Variants in LPCAT2 observed in about 807,000 individuals in gnomAD.
LPCAT2 encodes lysophosphatidylcholine acyltransferase 2, also known as 1-AGP acyltransferase 11.
Under a neutral mutation model 64.7 loss-of-function variants are expected in LPCAT2, and 58 were observed. The ratio of observed to expected loss-of-function variants is 0.90; its 90% CI spans 0.73 to 1.12. The LOEUF is 1.12. LPCAT2 is among the 50% of genes most tolerant of loss of function. The probability of loss-of-function intolerance (pLI) is 0.00; values close to 1 mark genes in which losing one functional copy is unlikely to be tolerated. For missense variants in LPCAT2, 579 were observed against 669.8 expected (o/e 0.86, Z 1.50); for synonymous variants, 252 against 245.3 (o/e 1.03, Z -0.26).
Position 55,531,954 on chromosome 16 carries a change from G to A in LPCAT2, c.683G>A (p.Cys228Tyr). The A allele has an allele frequency of 1.3e-6, 2 of 1,591,388 alleles. No individual in the cohort carries two copies. Among genetic ancestry groups the A allele is most frequent in the Non-Finnish European group, 8.6e-7 (1 of 1,160,352 alleles). ...FPEGTCTNRS[C>Y]LITFKPGAFI... Reference sequence around the variant, plus strand: ...GAAGGTACTTGTACTAATCGTTCCTGTTTGATTACTTTTAAACCAGGTGAG... The same window carrying A: ...GAAGGTACTTGTACTAATCGTTCCTATTTGATTACTTTTAAACCAGGTGAG... Residue 228 changes from cysteine (C) to tyrosine (Y), a missense_variant, in exon 5 of 14, where the codon TGT (cysteine) becomes TAT (tyrosine). By Grantham distance (194) the Cys-to-Tyr change is radical. Transcript: ENST00000262134.
At chr16:55,560,341 AG>A (rs1963621818) in intron 11 of LPCAT2, among the ~76,000 whole-genome samples, 1 of 152,100 alleles carries the variant, frequency 6.6e-6, no homozygotes, top group Non-Finnish European at 1.5e-5. Context: ...CTTGACAGAA[AG>A]GCTTCATCTA....
chr16:55,532,861 C>G lies in LPCAT2; in HGVS notation c.741C>G (p.Leu247=). ...CAGGAGTTCCAGTGCAGCCAGTCCT[C>G]CTCAGATACCCAAACAAGCTGGTAA... ...FIPGVPVQPV[L]LRYPNKLDTV... The change falls in exon 6 of 14, where the codon CTC becomes CTG. Residue 247 remains leucine (L), a synonymous_variant. Transcript: ENST00000262134. 1.2e-6 allele frequency: 2 copies of G among 1,612,104 alleles called. No individual in the cohort carries two copies. The highest frequency in any genetic ancestry group is 1.7e-5 in the Admixed American group (1 of 59,874).
Position 55,528,534 on chromosome 16 carries a change from G to A in LPCAT2, c.469G>A (p.Val157Ile), listed in dbSNP as rs745733776. 1.2e-6 allele frequency: 2 copies of A among 1,613,990 alleles called. No individual in the cohort carries two copies. Among genetic ancestry groups the A allele is most frequent in the Admixed American group, 1.7e-5 (1 of 59,978 alleles). Residue 157 changes from valine (V) to isoleucine (I), a missense_variant, in exon 3 of 14, where the codon GTA (valine) becomes ATA (isoleucine). Physicochemically the swap from Val to Ile is conservative, Grantham distance 29. Coordinates refer to ENST00000262134, the MANE Select transcript of LPCAT2 (RefSeq NM_017839.5). The part of the protein sequence containing the change: ...STFFDGIACV[V>I]AGLPSMVSRN... ...ATTCTTTGATGGAATTGCCTGTGTT[G>A]TAGCTGGGTTACCTTCTATGGTATC... is the stretch of plus-strand genomic sequence containing the variant.
chr16:55,570,470 TA>T (rs1407804034), intron 11 of LPCAT2, among the ~76,000 whole-genome samples: 6 of 152,012 alleles, frequency 3.9e-5, no homozygotes, highest in African/African-American at 1.4e-4. Context: ...CAAAAAAATT[TA>T]AAAAATCCCC....
chr16:55,551,140 C>G (rs759551270), intron 11 of LPCAT2, 38 bp downstream of exon 11: 20 of 1,541,378 alleles, frequency 1.3e-5, no homozygotes, highest in Middle Eastern at 1.8e-4. Context: ...TTTACTCTGT[C>G]AGTCCTACAG....
chr16:55,509,491 G>A, intron 1 of LPCAT2, 139 bp downstream of exon 1: 1 of 946,956 alleles, frequency 1.1e-6, no homozygotes, highest in Non-Finnish European at 1.4e-6. Flanking sequence ...GGTCCGAGGC[G>A]GGCGAGAGTC....
chr16:55,553,657 T>A (rs1372987797), intron 11 of LPCAT2, among the ~76,000 whole-genome samples: 2 of 152,234 alleles, frequency 1.3e-5, no homozygotes, highest in Non-Finnish European at 2.9e-5. Flanking sequence ...TATTGATATT[T>A]TGACCTCCTT....
chr16:55,574,826 T>C, intron 12 of LPCAT2, 97 bp downstream of exon 12: 1 of 868,844 alleles, frequency 1.2e-6, no homozygotes, highest in South Asian at 1.4e-5. Context: ...ATTATGTGAT[T>C]TTATAGATCT....
intron 1 of LPCAT2, among the ~76,000 whole-genome samples, chr16:55,520,740 A>G (rs1963083804): frequency 6.6e-6 from 1 of 151,950 alleles, no homozygotes; most frequent in African/African-American, 2.4e-5. Context: ...AAATCAAGCT[A>G]TATACTTTAA....
rs3214374 is a variant in LPCAT2, at chr16:55,574,915, CA to C, written c.1314+191del. 2.0e-5 allele frequency among the ~76,000 whole-genome samples: 3 copies of C among 152,044 alleles called. No individual in the cohort carries two copies. In the East Asian group the frequency reaches 5.8e-4, roughly 29 times the overall value. On this transcript the variant is annotated intron_variant, in intron 12 of 13. Coordinates refer to ENST00000262134, the MANE Select transcript of LPCAT2 (RefSeq NM_017839.5). ...AAGAAAACACAAGCATTTATTTAAG[CA>C]AAAAGTTTCTAGAAGTAGCCTAATT...
chr16:55,529,980 T>G, intron 4 of LPCAT2, 33 bp downstream of exon 4: 1 of 1,483,454 alleles, frequency 6.7e-7, no homozygotes, highest in Non-Finnish European at 9.3e-7. Flanking sequence ...TTAAATATAG[T>G]GGGAGTTTAT....
rs183263512 is a variant in LPCAT2 at position 55,527,724 on chromosome 16, A to T, written c.312-653A>T. Among the ~76,000 whole-genome samples, 742 of 152,266 alleles carry T rather than the reference A, an allele frequency of 4.9e-3. 3 individuals carry two copies. Among genetic ancestry groups the T allele is most frequent in the African/African-American group, 0.016 (663 of 41,548 alleles). ...GCAGAATCTTTTTTAAAGGTTTTTTAAAAAAGTAGTTTCTGGAATTGCTTA... is the reference window on the plus strand; with the variant it reads ...GCAGAATCTTTTTTAAAGGTTTTTTTAAAAAGTAGTTTCTGGAATTGCTTA... On this transcript the variant is annotated intron_variant, in intron 2 of 13. Coordinates refer to ENST00000262134, the MANE Select transcript of LPCAT2 (RefSeq NM_017839.5).
chr16:55,511,843 A>G (rs574605679), intron 1 of LPCAT2, among the ~76,000 whole-genome samples: 2 of 152,350 alleles, frequency 1.3e-5, no homozygotes, highest in African/African-American at 4.8e-5. Context: ...AACTCATTCC[A>G]ACTCTTTCTT....
At chr16:55,509,991 C>CT (rs57496150) in intron 1 of LPCAT2, among the ~76,000 whole-genome samples, 2,098 of 102,504 alleles carry the variant, frequency 0.02, 71 homozygotes, top group East Asian at 0.045. Context: ...TTGAAGAAGT[C>CT]TTTTTTTTTT....
intron 11 of LPCAT2, among the ~76,000 whole-genome samples, chr16:55,555,635 A>G (rs1245555407): frequency 6.6e-6 from 1 of 152,198 alleles, no homozygotes. Flanking sequence ...TAGATGAACT[A>G]TTCTTTAACA....
chr16:55,556,671 C>A (rs571335608), intron 11 of LPCAT2, among the ~76,000 whole-genome samples: 1 of 152,198 alleles, frequency 6.6e-6, no homozygotes, highest in South Asian at 2.1e-4. Flanking sequence ...TGGTGTGAAC[C>A]CAGGAGGCGG....
rs566094886 is a variant in LPCAT2 at position 55,586,547 on chromosome 16, C to A, written c.*3449C>A. ...CTTTTTTCAAAGTTTCTTACATTTT[C>A]CAATGTCATTAAAATTCTCTGTGAA... On this transcript the variant is annotated 3_prime_UTR_variant, in exon 14 of 14. Transcript: ENST00000262134. 6.6e-6 allele frequency: 1 copy of A among 152,038 alleles called. No homozygotes were observed. Among genetic ancestry groups the A allele is most frequent in the African/African-American group, 2.4e-5 (1 of 41,408 alleles). The allele number at this position is 152,038 out of a possible 1,614,324, so 9.4% of individuals were successfully genotyped here.
At chr16:55,582,300 A>G (rs1963895531) in intron 13 of LPCAT2, among the ~76,000 whole-genome samples, 1 of 152,192 alleles carries the variant, frequency 6.6e-6, no homozygotes, top group African/African-American at 2.4e-5. Flanking sequence ...CCTGACTTAA[A>G]AAGGAATCTC....
At chr16:55,530,487 G>A (rs1390222368) in intron 4 of LPCAT2, among the ~76,000 whole-genome samples, 3 of 113,434 alleles carry the variant, frequency 2.6e-5, no homozygotes, top group African/African-American at 9.5e-5. Context: ...CCTGGAATGC[G>A]GGGGTGGGGG....
Sources: gnomAD v4.1 joint callset for allele counts (sites outside exome capture counted in the v4.1 genomes callset) on GRCh38, gnomAD v4.1.1 for gene constraint, MANE v1.5 for transcripts, NCBI Gene and HGNC (gene_info 2026-07-23, HGNC 2026-07-21) for gene names.